NANOG: variants seen among roughly 807,000 people sequenced by gnomAD.
The protein encoded by NANOG is homeobox protein NANOG.
NANOG carries 2 observed loss-of-function variants against 17.7 expected under a neutral mutation model. The ratio of observed to expected loss-of-function variants is 0.11; its 90% CI spans 0.05 to 0.36. The LOEUF (loss-of-function observed/expected upper bound fraction) is 0.36. NANOG is among the 10% of genes least tolerant of loss of function. NANOG has a pLI of 1.00. For synonymous variants in NANOG, 81 were observed against 124.7 expected, an observed-to-expected ratio of 0.65 and a Z score of 2.33; for missense variants, 174 against 362.1, an observed-to-expected ratio of 0.48 and a Z score of 4.22.
Position 7,790,067 on chromosome 12 carries a change from C to T in NANOG, c.151+302C>T, listed in dbSNP as rs548620395. Among the ~76,000 whole-genome samples, 67 of 152,206 alleles carry T rather than the reference C, an allele frequency of 4.4e-4. 1 individual carries two copies. The South Asian group carries it at 0.012, about 27-fold the overall frequency. ...AGGCATGGTGGAAACAAAAATGTAT[C>T]GTTATAGTTAAATGAAGGTGATGTG... On this transcript the variant is annotated intron_variant, in intron 1 of 3. Coordinates refer to ENST00000229307, the MANE Select transcript of NANOG (RefSeq NM_024865.4).
In NANOG at chr12:7,789,716, C is replaced by T; in HGVS notation, c.102C>T (p.Asn34=). The T allele has an allele frequency of 6.2e-7, 1 of 1,614,182 alleles. No homozygotes were observed. Among genetic ancestry groups the T allele is most frequent in the South Asian group, 1.1e-5 (1 of 91,082 alleles). ...PMPVICGPEE[N]YPSLQMSSAE... ...CTGTGATTTGTGGGCCTGAAGAAAACTATCCATCCTTGCAAATGTCTTCTG... is the reference window on the plus strand; with the variant it reads ...CTGTGATTTGTGGGCCTGAAGAAAATTATCCATCCTTGCAAATGTCTTCTG... The change falls in exon 1 of 4, where the codon AAC becomes AAT. Residue 34 remains asparagine (N), a synonymous_variant. Coordinates refer to ENST00000229307, the MANE Select transcript of NANOG (RefSeq NM_024865.4).
intron 2 of NANOG, 67 bp from the exon 3 acceptor site, chr12:7,794,390 A>G (rs1862887233): frequency 3.6e-6 from 5 of 1,396,826 alleles, no homozygotes; most frequent in Non-Finnish European, 5.0e-6. Flanking sequence ...AAAGTTAGCA[A>G]TATACTTTGA....
Position 7,796,954 on chromosome 12 carries a change from G to A in NANOG, c.*1859G>A, listed in dbSNP as rs112356934. The A allele has an allele frequency of 0.032, 4,835 of 152,124 alleles. 179 individuals carry two copies. Among genetic ancestry groups the A allele is most frequent in the East Asian group, 0.1 (514 of 5,140 alleles). 9.4% of individuals were successfully genotyped at this position (152,124 alleles called of 1,614,324 possible). A position where few individuals can be genotyped will look rare whatever the true frequency, so the allele number is the denominator to read the frequency against. On this transcript the variant is annotated 3_prime_UTR_variant, in exon 4 of 4. Coordinates refer to ENST00000229307, the MANE Select transcript of NANOG (RefSeq NM_024865.4). ...TAATTGTATTTTTAGTAGAGACAGGGTTTCACTATGTTGGCCAGGCTGGTC... is the reference window on the plus strand; with the variant it reads ...TAATTGTATTTTTAGTAGAGACAGGATTTCACTATGTTGGCCAGGCTGGTC...
chr12:7,789,450 T>C lies in NANOG; in HGVS notation c.-165T>C. The C allele has an allele frequency of 1.6e-6, 1 of 619,514 alleles. No individual in the cohort carries two copies. Among genetic ancestry groups the C allele is most frequent in the South Asian group, 2.0e-5 (1 of 49,994 alleles). 38.4% of individuals were successfully genotyped at this position (619,514 alleles called of 1,614,324 possible). A position where few individuals can be genotyped will look rare whatever the true frequency, so the allele number is the denominator to read the frequency against. ...TTAACGTTCTGCTGGACTGAGCTGG[T>C]TGCCTCATGTTATTATGCAGGCAAC... On this transcript the variant is annotated 5_prime_UTR_variant, in exon 1 of 4. Coordinates refer to ENST00000229307, the MANE Select transcript of NANOG (RefSeq NM_024865.4).
chr12:7,790,879 A>G (rs963241656), intron 1 of NANOG, among the ~76,000 whole-genome samples: 3 of 152,020 alleles, frequency 2.0e-5, no homozygotes, highest in Non-Finnish European at 4.4e-5. Flanking sequence ...AACTACTAGG[A>G]CAAGAGGCGT....
intron 1 of NANOG, 86 bp from the exon 2 acceptor site, chr12:7,792,864 A>G (rs1169202920): frequency 7.3e-7 from 1 of 1,372,218 alleles, no homozygotes; most frequent in Non-Finnish European, 9.9e-7. Context: ...GGAATTATCA[A>G]AGTACTTTGA....
In NANOG at chr12:7,798,250, G is replaced by C. The variant is rs754961507; in HGVS notation, c.*3155G>C. 6.6e-6 allele frequency: 1 copy of C among 152,164 alleles called. No individual in the cohort carries two copies. The highest frequency in any genetic ancestry group is 1.5e-5 in the Non-Finnish European group (1 of 68,046). The allele number at this position is 152,164 out of a possible 1,614,324, so 9.4% of individuals were successfully genotyped here. A position where few individuals can be genotyped will look rare whatever the true frequency, so the allele number is the denominator to read the frequency against. On this transcript the variant is annotated 3_prime_UTR_variant, in exon 4 of 4. Coordinates refer to ENST00000229307, the MANE Select transcript of NANOG (RefSeq NM_024865.4). ...AAATTTGCCAGAGGTCTTGGTTTGC[G>C]CCTGTAATCTCAGCTACTTGGAAGG...
In NANOG at chr12:7,796,753, T is replaced by C. The variant is rs1007097185; in HGVS notation, c.*1658T>C. ...GACTATCCAGTCTAATTCCAAGTGT[T>C]TTTTTTTTGTTTTATTTTGTTTTTT... On this transcript the variant is annotated 3_prime_UTR_variant, in exon 4 of 4. Coordinates refer to ENST00000229307, the MANE Select transcript of NANOG (RefSeq NM_024865.4). The C allele has an allele frequency of 1.5e-5, 1 of 64,806 alleles. No individual in the cohort carries two copies. The highest frequency in any genetic ancestry group is 3.7e-5 in the African/African-American group (1 of 26,680). 4.0% of individuals were successfully genotyped at this position (64,806 alleles called of 1,614,324 possible).
Position 7,795,744 on chromosome 12 carries a change from T to C in NANOG, c.*649T>C, listed in dbSNP as rs1458526306. The C allele has an allele frequency of 2.1e-5, 3 of 144,252 alleles. No homozygotes were observed. The highest frequency in any genetic ancestry group is 3.9e-4 in the East Asian group (2 of 5,110). The allele number at this position is 144,252 out of a possible 1,614,324, so 8.9% of individuals were successfully genotyped here. On this transcript the variant is annotated 3_prime_UTR_variant, in exon 4 of 4. Coordinates refer to ENST00000229307, the MANE Select transcript of NANOG (RefSeq NM_024865.4). ...CAAGAATAAGAAATACAAGTACAAATTGGTGATGAAGATGTATTCGTATTG... is the reference window on the plus strand; with the variant it reads ...CAAGAATAAGAAATACAAGTACAAACTGGTGATGAAGATGTATTCGTATTG...
chr12:7,792,523 G>T (rs1424591377), intron 1 of NANOG, among the ~76,000 whole-genome samples: 1 of 152,138 alleles, frequency 6.6e-6, no homozygotes, highest in Non-Finnish European at 1.5e-5. Flanking sequence ...AATTAGCCAG[G>T]CGTGATGGTG....
chr12:7,792,703 T>C (rs967647470), intron 1 of NANOG, among the ~76,000 whole-genome samples: 2 of 152,092 alleles, frequency 1.3e-5, no homozygotes, highest in African/African-American at 4.8e-5. Context: ...CAGCAATGCA[T>C]TGGCCACCAT....
chr12:7,793,691 T>C (rs1327301041), intron 2 of NANOG, among the ~76,000 whole-genome samples: 2 of 152,190 alleles, frequency 1.3e-5, no homozygotes, highest in African/African-American at 4.8e-5. Flanking sequence ...TTCTAGGCTT[T>C]ATTTCCTTCT....
Position 7,797,738 on chromosome 12 carries a change from C to T in NANOG, c.*2643C>T, listed in dbSNP as rs1469291122. On this transcript the variant is annotated 3_prime_UTR_variant, in exon 4 of 4. Transcript: ENST00000229307. ...GCACCATTTCACCTCACTGTAGCCT[C>T]GACTTCCCGGATTCAAGCAATCCTC... 8.7e-6 allele frequency: 1 copy of T among 115,198 alleles called. No homozygotes were observed. Among genetic ancestry groups the T allele is most frequent in the Admixed American group, 9.6e-5 (1 of 10,414 alleles). 7.1% of individuals were successfully genotyped at this position (115,198 alleles called of 1,614,324 possible).
intron 2 of NANOG, among the ~76,000 whole-genome samples, chr12:7,793,568 T>A (rs1862874466): frequency 6.6e-6 from 1 of 152,212 alleles, no homozygotes; most frequent in Non-Finnish European, 1.5e-5. Flanking sequence ...TTTCCTTTTT[T>A]TCTTTCTGCC....
chr12:7,794,753 C>A lies in NANOG; in HGVS notation c.576C>A (p.Asn192Lys), dbSNP rs139890744. The A allele has an allele frequency of 1.1e-4, 177 of 1,559,740 alleles. 3 individuals are homozygous for A. Among genetic ancestry groups the A allele is most frequent in the Non-Finnish European group, 1.4e-4 (163 of 1,148,300 alleles). The change falls in exon 4 of 4, where the codon AAC (asparagine) becomes AAA (lysine). Residue 192 changes from asparagine (N) to lysine (K), a missense_variant. Transcript: ENST00000229307. ...GATGCCTGGTGAACCCGACTGGGAA[C>A]CTTCCAATGTGGAGCAACCAGACCT... is the stretch of plus-strand genomic sequence containing the variant. ...HQGCLVNPTG[N>K]LPMWSNQTWN... is the part of the protein sequence containing the mutation.
In NANOG at chr12:7,793,683, C is replaced by G. The variant is rs117906455; in HGVS notation, c.414+471C>G. 1.2e-4 allele frequency among the ~76,000 whole-genome samples: 19 copies of G among 152,168 alleles called. No individual in the cohort carries two copies. The East Asian group carries it at 1.9e-3, about 15-fold the overall frequency. ...CCTTCATTAATTGGCTTATCCTCTT[C>G]TAGGCTTTATTTCCTTCTTTTCTTT... On this transcript the variant is annotated intron_variant, in intron 2 of 3. Coordinates refer to ENST00000229307, the MANE Select transcript of NANOG (RefSeq NM_024865.4).
At position 7,798,315 on chromosome 12, in the gene NANOG, G is replaced by A. The variant is rs1289341814; in HGVS notation, c.*3220G>A. On this transcript the variant is annotated 3_prime_UTR_variant, in exon 4 of 4. Coordinates refer to ENST00000229307, the MANE Select transcript of NANOG (RefSeq NM_024865.4). ...TCACTTGAACCCGGGAGGTTGCAGT[G>A]ACCCCAGATAATGCCACCCCACTCC... 6.6e-6 allele frequency: 1 copy of A among 152,154 alleles called. No individual in the cohort carries two copies. Among genetic ancestry groups the A allele is most frequent in the Non-Finnish European group, 1.5e-5 (1 of 68,028 alleles). 9.4% of individuals were successfully genotyped at this position (152,154 alleles called of 1,614,324 possible). A position where few individuals can be genotyped will look rare whatever the true frequency, so the allele number is the denominator to read the frequency against.
In NANOG at chr12:7,789,535, T is replaced by A. The variant is rs1862804724; in HGVS notation, c.-80T>A. On this transcript the variant is annotated 5_prime_UTR_variant, in exon 1 of 4. Coordinates refer to ENST00000229307, the MANE Select transcript of NANOG (RefSeq NM_024865.4). ...TGGAGGTCCTATTTCTCTAACATCT[T>A]CCAGAAAAGTCTTAAAGCTGCCTTA... The A allele has an allele frequency of 2.3e-6, 3 of 1,291,156 alleles. No homozygotes were observed. Among genetic ancestry groups the A allele is most frequent in the African/African-American group, 3.0e-5 (2 of 67,390 alleles). 80.0% of individuals were successfully genotyped at this position (1,291,156 alleles called of 1,614,324 possible).
At chr12:7,791,252 G>T (rs1474248554) in intron 1 of NANOG, among the ~76,000 whole-genome samples, 4 of 151,816 alleles carry the variant, frequency 2.6e-5, no homozygotes. Flanking sequence ...AGGTATTACA[G>T]ATGTATGCCA....
Sources: gnomAD v4.1 joint callset for allele counts (sites outside exome capture counted in the v4.1 genomes callset) on GRCh38, gnomAD v4.1.1 for gene constraint, MANE v1.5 for transcripts, NCBI Gene and HGNC (gene_info 2026-07-23, HGNC 2026-07-21) for gene names.